TRIM63: variants seen among roughly 807,000 people sequenced by gnomAD.
TRIM63 encodes the protein tripartite motif containing 63.
TRIM63 carries 48 observed loss-of-function variants against 46.0 expected under a neutral mutation model. The ratio of observed to expected loss-of-function variants is 1.04; its 90% CI spans 0.83 to 1.33. The LOEUF (loss-of-function observed/expected upper bound fraction) is 1.33, where lower values mean the gene tolerates loss of function less well. TRIM63 is among the 40% of genes most tolerant of loss of function. The pLI, the probability that TRIM63 is intolerant of heterozygous loss-of-function variation, is 0.00. For missense variants in TRIM63, 455 were observed against 441.2 expected (o/e 1.03, Z -0.28); for synonymous variants, 175 against 162.8 (o/e 1.08, Z -0.57).
intron 7 of TRIM63, among the ~76,000 whole-genome samples, chr1:26,054,295 C>T (rs947628738): frequency 1.3e-5 from 2 of 152,340 alleles, no homozygotes; most frequent in African/African-American, 2.4e-5. Flanking sequence ...GCACATCTCT[C>T]GGGTAGGCAG....
intron 2 of TRIM63, 57 bp from the exon 3 acceptor site, chr1:26,061,391 C>G (rs945799028): frequency 1.3e-6 from 2 of 1,579,950 alleles, no homozygotes; most frequent in African/African-American, 2.7e-5. Context: ...ATCCCCCTCC[C>G]CAGCTCCAAT....
intron 4 of TRIM63, among the ~76,000 whole-genome samples, chr1:26,060,023 A>C (rs1013579408): frequency 6.6e-6 from 1 of 152,166 alleles, no homozygotes; most frequent in Non-Finnish European, 1.5e-5. Context: ...CTCAGGGACC[A>C]CGTCTGTCTG....
At chr1:26,061,761 G>A (rs937064998) in intron 2 of TRIM63, among the ~76,000 whole-genome samples, 1 of 152,218 alleles carries the variant, frequency 6.6e-6, no homozygotes, top group Admixed American at 6.5e-5. Context: ...CTAGAGTTCA[G>A]TTGCTCTAAT....
At position 26,067,327 on chromosome 1, in the gene TRIM63, G is replaced by A. The variant is rs1159878651; in HGVS notation, c.159+9C>T. 1.8e-5 allele frequency: 29 copies of A among 1,613,382 alleles called. No individual in the cohort carries two copies. The Middle Eastern group carries it at 6.9e-4, about 38-fold the overall frequency. ...GGGGACCCCAAATGAAGCTGCACCC[G>A]GCACTTACCTGGAAGATGTCATTGG... On this transcript the variant is annotated intron_variant, in intron 1 of 8. Transcript: ENST00000374272.
Position 26,067,241 on chromosome 1 carries a change from C to G in TRIM63, c.159+95G>C. 4.1e-6 allele frequency: 6 copies of G among 1,458,084 alleles called. No individual in the cohort carries two copies. The South Asian group carries it at 7.9e-5, about 19-fold the overall frequency. 90.3% of individuals were successfully genotyped at this position (1,458,084 alleles called of 1,614,324 possible). On this transcript the variant is annotated intron_variant, in intron 1 of 8. Transcript: ENST00000374272. Reference sequence around the variant, plus strand: ...GGGTTCACTTCCAAGGGGAAAGAGGCTGTCCAGGTTGGAAGTCTAAGGGAG... The same window carrying G: ...GGGTTCACTTCCAAGGGGAAAGAGGGTGTCCAGGTTGGAAGTCTAAGGGAG...
At position 26,066,252 on chromosome 1, in the gene TRIM63, A is replaced by G; in HGVS notation, c.332+16T>C. 3 of 1,613,736 alleles carry G rather than the reference A, an allele frequency of 1.9e-6. No individual in the cohort carries two copies. The highest frequency in any genetic ancestry group is 2.5e-6 in the Non-Finnish European group (3 of 1,179,906). On this transcript the variant is annotated intron_variant, in intron 2 of 8. Transcript: ENST00000374272. ...CTGGGAAGGAGGGCGGGCCCCCAGCAGGCACGAGAACCGACCTGGAGCACT... is the reference window on the plus strand; with the variant it reads ...CTGGGAAGGAGGGCGGGCCCCCAGCGGGCACGAGAACCGACCTGGAGCACT...
intron 6 of TRIM63, 138 bp from the exon 7 acceptor site, chr1:26,057,465 C>T (rs965203190): frequency 5.7e-6 from 8 of 1,409,184 alleles, no homozygotes; most frequent in Non-Finnish European, 7.7e-6. Context: ...TCTCCAACCT[C>T]AAGCACAAGG....
At chr1:26,057,920 A>G (rs986972260) in intron 5 of TRIM63, among the ~76,000 whole-genome samples, 5 of 151,964 alleles carry the variant, frequency 3.3e-5, no homozygotes, top group African/African-American at 1.2e-4. Flanking sequence ...TAAACCCTGA[A>G]CTCCCCAATC....
intron 2 of TRIM63, among the ~76,000 whole-genome samples, chr1:26,063,885 G>A (rs1389435243): frequency 6.6e-6 from 1 of 152,222 alleles, no homozygotes. Flanking sequence ...TCGGCACTGG[G>A]TAGGCTAACA....
intron 8 of TRIM63, among the ~76,000 whole-genome samples, chr1:26,052,613 C>T (rs2050532552): frequency 1.3e-5 from 2 of 152,018 alleles, no homozygotes; most frequent in African/African-American, 4.8e-5. Context: ...ATTACAGGTG[C>T]CCGTCACCAC....
intron 8 of TRIM63, 44 bp from the exon 9 acceptor site, chr1:26,051,927 A>T: frequency 7.6e-7 from 1 of 1,308,494 alleles, no homozygotes; most frequent in Non-Finnish European, 9.8e-7. Context: ...TGAGACAGGG[A>T]CTCAGGAGGA....
chr1:26,064,398 T>C (rs1015055259), intron 2 of TRIM63, among the ~76,000 whole-genome samples: 2 of 151,782 alleles, frequency 1.3e-5, no homozygotes, highest in Non-Finnish European at 2.9e-5. Flanking sequence ...ACCACTGCCC[T>C]CTAGCCTGGG....
chr1:26,057,430 T>G, intron 6 of TRIM63, 103 bp from the exon 7 acceptor site: 1 of 1,477,712 alleles, frequency 6.8e-7, no homozygotes, highest in Non-Finnish European at 9.2e-7. Flanking sequence ...ACCCAGAGGC[T>G]CCCCTGGAGG....
At chr1:26,054,983 A>T (rs1360408367) in intron 7 of TRIM63, among the ~76,000 whole-genome samples, 1 of 152,086 alleles carries the variant, frequency 6.6e-6, no homozygotes, top group East Asian at 1.9e-4. Flanking sequence ...AAAAAAAAAA[A>T]AAATAGTATC....
At chr1:26,062,916 C>T (rs2050640152) in intron 2 of TRIM63, among the ~76,000 whole-genome samples, 1 of 151,952 alleles carries the variant, frequency 6.6e-6, no homozygotes, top group Non-Finnish European at 1.5e-5. Flanking sequence ...CCACCATGCC[C>T]AGCTAATTTT....
At position 26,067,362 on chromosome 1, in the gene TRIM63, G is replaced by A. The variant is rs767865042; in HGVS notation, c.133C>T (p.Arg45Trp). Residue 45 changes from arginine to tryptophan, a missense_variant, in exon 1 of 9, where the codon CGG (arginine) becomes TGG (tryptophan). Arg to Trp is a moderately radical substitution (Grantham distance 101). Coordinates refer to ENST00000374272, the MANE Select transcript of TRIM63 (RefSeq NM_032588.4). ...VILPCQHNLC[R>W]KCANDIFQAA... ...TGGAAGATGTCATTGGCACACTTCC[G>A]GCACAGGTTGTGCTGGCACGGCAAG... 16 of 1,613,998 alleles carry A rather than the reference G, an allele frequency of 9.9e-6. No homozygotes were observed. The highest frequency in any genetic ancestry group is 2.7e-5 in the African/African-American group (2 of 74,918).
chr1:26,054,311 C>T (rs1284607320), intron 7 of TRIM63, among the ~76,000 whole-genome samples: 1 of 152,262 alleles, frequency 6.6e-6, no homozygotes, highest in African/African-American at 2.4e-5. Flanking sequence ...GGCAGATAAA[C>T]ATTGCCTGAG....
intron 1 of TRIM63, 103 bp downstream of exon 1, chr1:26,067,233 G>A (rs899223214): frequency 1.4e-6 from 2 of 1,433,622 alleles, no homozygotes; most frequent in South Asian, 1.3e-5. Flanking sequence ...CTTCCAAGGG[G>A]AAAGAGGCTG....
At chr1:26,055,563 T>G (rs1317606233) in intron 7 of TRIM63, among the ~76,000 whole-genome samples, 1 of 150,300 alleles carries the variant, frequency 6.7e-6, no homozygotes, top group East Asian at 1.9e-4. Context: ...CAGGCTGGAG[T>G]GCAATGGCGT....
Sources: gnomAD v4.1 joint callset for allele counts (sites outside exome capture counted in the v4.1 genomes callset) on GRCh38, gnomAD v4.1.1 for gene constraint, MANE v1.5 for transcripts, NCBI Gene and HGNC (gene_info 2026-07-23, HGNC 2026-07-21) for gene names.